The following GALNT1 variants were observed in gnomAD, a reference collection of about 807,000 sequenced individuals.
The protein encoded by GALNT1 is polypeptide N-acetylgalactosaminyltransferase 1.
Under a neutral mutation model 65.7 loss-of-function variants are expected in GALNT1, and 17 were observed. The observed-to-expected ratio is 0.26, with a 90% confidence interval of 0.18 to 0.39. The LOEUF (loss-of-function observed/expected upper bound fraction) is 0.39. Among genes scored for constraint, GALNT1 ranks in the 10% least tolerant of loss-of-function variants. The pLI, the probability that GALNT1 is intolerant of heterozygous loss-of-function variation, is 1.00. For missense variants in GALNT1, 460 were observed against 672.8 expected, an observed-to-expected ratio of 0.68 and a Z score of 3.50; for synonymous variants, 210 against 219.7, an observed-to-expected ratio of 0.96 and a Z score of 0.39.
intron 2 of GALNT1, among the ~76,000 whole-genome samples, chr18:35,659,387 G>T (rs1262975355): frequency 6.6e-6 from 1 of 152,178 alleles, no homozygotes; most frequent in Admixed American, 6.5e-5. Flanking sequence ...AGAGGGGTTT[G>T]TTTTTTCTGA....
At chr18:35,683,345 T>C in intron 4 of GALNT1, 46 bp from the exon 5 acceptor site, 2 of 1,477,946 alleles carry the variant, frequency 1.4e-6, no homozygotes, top group Admixed American at 3.5e-5. Context: ...ATCTGAATAG[T>C]GCCAGGCCAC....
Position 35,581,758 on chromosome 18 carries a change from G to A in GALNT1, c.-208G>A, listed in dbSNP as rs2046319294. On this transcript the variant is annotated 5_prime_UTR_variant, in exon 1 of 12. Transcript: ENST00000269195. ...CGCCGGCAGTGGCCGAGGAGCGCGC[G>A]GCGGACGGCGGCCCGAGAGTAGCGC... The A allele has an allele frequency of 4.3e-5, 6 of 140,888 alleles. No homozygotes were observed. The highest frequency in any genetic ancestry group is 9.4e-5 in the Non-Finnish European group (6 of 63,992). The allele number at this position is 140,888 out of a possible 1,614,324, so 8.7% of individuals were successfully genotyped here. A position where few individuals can be genotyped will look rare whatever the true frequency, so the allele number is the denominator to read the frequency against.
intron 2 of GALNT1, among the ~76,000 whole-genome samples, chr18:35,663,413 A>T (rs1337257914): frequency 6.6e-6 from 1 of 152,128 alleles, no homozygotes; most frequent in Non-Finnish European, 1.5e-5. Context: ...GACTCAGGTG[A>T]GTGGGGCAAG....
chr18:35,587,038 C>T (rs1301964820), intron 1 of GALNT1, among the ~76,000 whole-genome samples: 1 of 152,052 alleles, frequency 6.6e-6, no homozygotes, highest in South Asian at 2.1e-4. Context: ...TCATGCAAGT[C>T]CTGTACATAT....
At chr18:35,708,139 TG>T (rs1456126425) in intron 11 of GALNT1, among the ~76,000 whole-genome samples, 1 of 152,168 alleles carries the variant, frequency 6.6e-6, no homozygotes, top group Non-Finnish European at 1.5e-5. Flanking sequence ...TTTAGGTTTT[TG>T]CTCAGAAGCA....
At chr18:35,602,554 C>CT (rs1232648861) in intron 1 of GALNT1, among the ~76,000 whole-genome samples, 1 of 151,916 alleles carries the variant, frequency 6.6e-6, no homozygotes, top group Non-Finnish European at 1.5e-5. Flanking sequence ...CATTTTTATT[C>CT]TTTTTTTTCC....
intron 1 of GALNT1, among the ~76,000 whole-genome samples, chr18:35,654,088 T>C (rs2047345738): frequency 6.6e-6 from 1 of 152,212 alleles, no homozygotes; most frequent in African/African-American, 2.4e-5. Context: ...AATCACTAGT[T>C]GCCTAACCCC....
chr18:35,677,028 C>T (rs2047720730), intron 3 of GALNT1, among the ~76,000 whole-genome samples: 2 of 152,158 alleles, frequency 1.3e-5, no homozygotes, highest in South Asian at 4.1e-4. Context: ...AACAGCAGGG[C>T]ATGGGCTGTG....
At chr18:35,670,605 A>G (rs373165844) in intron 3 of GALNT1, among the ~76,000 whole-genome samples, 12 of 152,362 alleles carry the variant, frequency 7.9e-5, no homozygotes, top group South Asian at 2.1e-4. Flanking sequence ...TGCAGTGCCA[A>G]TCATAACCAC....
In GALNT1 at chr18:35,692,338, A is replaced by G. The variant is rs761418626; in HGVS notation, c.1299+18A>G. The G allele has an allele frequency of 2.8e-6, 4 of 1,435,068 alleles. No homozygotes were observed. Among genetic ancestry groups the G allele is most frequent in the Non-Finnish European group, 3.8e-6 (4 of 1,063,186 alleles). The allele number at this position is 1,435,068 out of a possible 1,614,324, so 88.9% of individuals were successfully genotyped here. On this transcript the variant is annotated intron_variant, in intron 9 of 11. Transcript: ENST00000269195. The stretch of plus-strand genomic sequence containing the variant: ...TGGGAGAGGTAAGAAATATATATAT[A>G]TATATTCTATGTGGTTATTATGTTC...
At chr18:35,585,262 A>G (rs944514767) in intron 1 of GALNT1, among the ~76,000 whole-genome samples, 4 of 151,994 alleles carry the variant, frequency 2.6e-5, no homozygotes, top group South Asian at 2.1e-4. Context: ...CACTTTGCTT[A>G]TTTCTGGCTC....
chr18:35,620,724 G>C (rs947330801), intron 1 of GALNT1, among the ~76,000 whole-genome samples: 1 of 149,006 alleles, frequency 6.7e-6, no homozygotes, highest in South Asian at 2.1e-4. Context: ...TAGTTTATTC[G>C]TTTTTCCTGC....
chr18:35,636,541 T>G (rs748849169), intron 1 of GALNT1, among the ~76,000 whole-genome samples: 6 of 152,216 alleles, frequency 3.9e-5, no homozygotes, highest in Non-Finnish European at 5.9e-5. Context: ...CCTGTCAGGT[T>G]TCCTTAATTG....
chr18:35,686,112 C>T (rs572147915), intron 5 of GALNT1, among the ~76,000 whole-genome samples: 89 of 152,210 alleles, frequency 5.8e-4, no homozygotes, highest in African/African-American at 2.0e-3. Context: ...ACAAGGAATA[C>T]TTAGAAAATA....
intron 1 of GALNT1, among the ~76,000 whole-genome samples, chr18:35,642,652 T>A (rs2047179592): frequency 6.6e-6 from 1 of 152,202 alleles, no homozygotes; most frequent in Non-Finnish European, 1.5e-5. Context: ...TTAAAAAGTA[T>A]CTTTTCAAAT....
intron 2 of GALNT1, among the ~76,000 whole-genome samples, chr18:35,661,845 A>T (rs2047482023): frequency 6.6e-6 from 1 of 152,214 alleles, no homozygotes; most frequent in African/African-American, 2.4e-5. Flanking sequence ...ACTGAGCAGC[A>T]TGAAAACGTT....
At chr18:35,652,908 C>T (rs1395975387) in intron 1 of GALNT1, among the ~76,000 whole-genome samples, 1 of 152,168 alleles carries the variant, frequency 6.6e-6, no homozygotes, top group African/African-American at 2.4e-5. Flanking sequence ...GACCGTAAAA[C>T]CACATTTGAA....
intron 11 of GALNT1, among the ~76,000 whole-genome samples, chr18:35,704,798 C>T (rs1227597847): frequency 6.6e-6 from 1 of 151,946 alleles, no homozygotes; most frequent in South Asian, 2.1e-4. Context: ...TGCCCGCCAC[C>T]ATGCCCGGCT....
At position 35,711,787 on chromosome 18, in the gene GALNT1, A is replaced by G. The variant is rs1447952022; in HGVS notation, c.*2017A>G. 3 of 152,216 alleles carry G rather than the reference A, an allele frequency of 2.0e-5. No homozygotes were observed. The highest frequency in any genetic ancestry group is 4.1e-4 in the South Asian group (2 of 4,832). 9.4% of individuals were successfully genotyped at this position (152,216 alleles called of 1,614,324 possible). On this transcript the variant is annotated 3_prime_UTR_variant, in exon 12 of 12. Coordinates refer to ENST00000269195, the MANE Select transcript of GALNT1 (RefSeq NM_020474.4). Reference sequence around the variant, plus strand: ...ATAATCCCATTGCCTTTATTTTTCTAATTAAAGAATTCCTAAATACTTTGA... The same window carrying G: ...ATAATCCCATTGCCTTTATTTTTCTGATTAAAGAATTCCTAAATACTTTGA...
Sources: allele counts gnomAD v4.1 joint callset (sites outside exome capture counted in the v4.1 genomes callset), GRCh38; gene constraint gnomAD v4.1.1; transcripts MANE v1.5; gene names NCBI Gene and HGNC (gene_info 2026-07-23, HGNC 2026-07-21).